Variants in MARCHF1 observed in about 807,000 individuals in gnomAD.
MARCHF1 encodes the protein E3 ubiquitin-protein ligase MARCHF1.
In MARCHF1, 40 loss-of-function variants were observed where a neutral mutation model predicts 54.2. That is an observed-to-expected ratio of 0.74 (90% CI 0.57 to 0.96). The LOEUF (loss-of-function observed/expected upper bound fraction) is 0.96. Among genes scored for constraint, MARCHF1 ranks in the 40% least tolerant of loss-of-function variants. MARCHF1 has a pLI of 0.00. For synonymous variants in MARCHF1, 236 were observed against 236.3 expected (o/e 1.00, Z 0.01); for missense variants, 586 against 656.5 (o/e 0.89, Z 1.17).
chr4:163,614,819 A>G (rs75203776), intron 5 of MARCHF1, among the ~76,000 whole-genome samples: 1,776 of 152,212 alleles, frequency 0.012, 32 homozygotes, highest in African/African-American at 0.04. Flanking sequence ...AACCATTAGG[A>G]TCCTTATGAG....
At chr4:163,832,453 C>T (rs908076862) in intron 4 of MARCHF1, among the ~76,000 whole-genome samples, 5 of 152,038 alleles carry the variant, frequency 3.3e-5, no homozygotes, top group African/African-American at 1.2e-4. Flanking sequence ...GGGACAGTGA[C>T]ATGACAAATT....
chr4:163,972,695 C>T (rs926202756), intron 3 of MARCHF1, among the ~76,000 whole-genome samples: 26 of 150,244 alleles, frequency 1.7e-4, no homozygotes, highest in Non-Finnish European at 2.4e-4. Context: ...TACAGGCGCC[C>T]GCCACCATGG....
intron 1 of MARCHF1, among the ~76,000 whole-genome samples, chr4:164,259,664 T>C (rs1037884181): frequency 2.6e-5 from 4 of 151,358 alleles, no homozygotes; most frequent in Non-Finnish European, 5.9e-5. Flanking sequence ...ACTATTAAGC[T>C]GTTGTTTAGG....
Position 163,942,948 on chromosome 4 carries a change from AC to A in MARCHF1, c.-39+45552del, listed in dbSNP as rs903207111. On this transcript the variant is annotated intron_variant, in intron 3 of 9. Coordinates refer to ENST00000514618, the MANE Select transcript of MARCHF1 (RefSeq NM_001394959.1). ...ACCTCTCTTCCAAAAAAAAAAAAGA[AC>A]AAAATGGATACACTAGTTTTTTGTT... is the stretch of plus-strand genomic sequence containing the variant. Among the ~76,000 whole-genome samples the A allele has an allele frequency of 1.6e-4, 24 of 152,060 alleles. 1 individual carries two copies. The highest frequency in any genetic ancestry group is 6.6e-5 in the Admixed American group (1 of 15,266).
At chr4:163,852,060 T>C (rs562517411) in intron 4 of MARCHF1, among the ~76,000 whole-genome samples, 11 of 152,300 alleles carry the variant, frequency 7.2e-5, no homozygotes, top group African/African-American at 2.4e-4. Flanking sequence ...TTTAATTCCA[T>C]TGGTAACTTG....
intron 4 of MARCHF1, among the ~76,000 whole-genome samples, chr4:163,808,958 T>C (rs145912875): frequency 3.4e-4 from 52 of 152,276 alleles, no homozygotes; most frequent in Non-Finnish European, 6.9e-4. Flanking sequence ...TCTCGTCTAT[T>C]TCATACAGAG....
At chr4:163,756,631 CAAAAAAAAAAAAAAAAAAAAAAAAAAGGA>C (rs1746680510) in intron 4 of MARCHF1, among the ~76,000 whole-genome samples, 1 of 67,582 alleles carries the variant, frequency 1.5e-5, no homozygotes. Context: ...GACTCTGTCT[CAAAAAAAAAAAAAAAAAAAAAAAAAAGGA>C]AAAGACAAAG....
intron 2 of MARCHF1, among the ~76,000 whole-genome samples, chr4:164,030,232 T>C (rs1033437453): frequency 6.6e-6 from 1 of 151,956 alleles, no homozygotes; most frequent in African/African-American, 2.4e-5. Context: ...AAACAGAGTT[T>C]AAAAAAATCA....
At chr4:163,870,229 A>T (rs898374973) in intron 3 of MARCHF1, among the ~76,000 whole-genome samples, 5 of 152,008 alleles carry the variant, frequency 3.3e-5, no homozygotes, top group Admixed American at 2.6e-4. Flanking sequence ...ATTTTTAAAA[A>T]TTTTCTGTAT....
chr4:164,043,722 A>G (rs1279692378), intron 2 of MARCHF1, among the ~76,000 whole-genome samples: 1 of 152,186 alleles, frequency 6.6e-6, no homozygotes, highest in Admixed American at 6.5e-5. Flanking sequence ...TCAGGCTACA[A>G]ATTTTCCAAA....
At chr4:164,087,629 C>T (rs1025778443) in intron 2 of MARCHF1, among the ~76,000 whole-genome samples, 1 of 152,106 alleles carries the variant, frequency 6.6e-6, no homozygotes, top group African/African-American at 2.4e-5. Context: ...TGTTCACAAA[C>T]AAATTAATCC....
intron 1 of MARCHF1, among the ~76,000 whole-genome samples, chr4:164,356,175 A>G (rs1730525571): frequency 9.2e-6 from 1 of 109,254 alleles, no homozygotes; most frequent in Non-Finnish European, 2.1e-5. Flanking sequence ...GTGGGACTGT[A>G]AACTAGTTCA....
At chr4:164,072,846 A>T (rs1754898426) in intron 2 of MARCHF1, among the ~76,000 whole-genome samples, 1 of 152,162 alleles carries the variant, frequency 6.6e-6, no homozygotes, top group Non-Finnish European at 1.5e-5. Context: ...AGATATAAAA[A>T]TGTGTGAGAA....
chr4:163,600,528 A>G lies in MARCHF1; in HGVS notation c.1010+11743T>C, dbSNP rs532573963. Among the ~76,000 whole-genome samples, 134 of 152,276 alleles carry G rather than the reference A, an allele frequency of 8.8e-4. 2 individuals carry two copies. The highest frequency in any genetic ancestry group is 3.0e-3 in the African/African-American group (125 of 41,562). ...GAGACTGTGGAATGCTGATTGGAAC[A>G]AAGAGTCCTCTGATGTGTGGAGCAT... On this transcript the variant is annotated intron_variant, in intron 7 of 9. Transcript: ENST00000514618.
At chr4:163,752,917 A>T (rs752976581) in intron 4 of MARCHF1, among the ~76,000 whole-genome samples, 1 of 152,166 alleles carries the variant, frequency 6.6e-6, no homozygotes, top group Non-Finnish European at 1.5e-5. Context: ...AATTTTTACA[A>T]CTACTTTGCA....
intron 1 of MARCHF1, among the ~76,000 whole-genome samples, chr4:164,260,259 C>T (rs34495217): frequency 0.11 from 17,394 of 151,648 alleles, 1,575 homozygotes; most frequent in African/African-American, 0.25. Flanking sequence ...CTCCCAAAAC[C>T]CCAGGTATTT....
chr4:164,017,835 G>GC (rs1227989310), intron 2 of MARCHF1, among the ~76,000 whole-genome samples: 3 of 23,920 alleles, frequency 1.3e-4, no homozygotes, highest in Non-Finnish European at 2.7e-4. Context: ...ACCTAAATTA[G>GC]CAAAAAAAAA....
At chr4:163,652,488 T>G (rs1215835991) in intron 5 of MARCHF1, among the ~76,000 whole-genome samples, 1 of 151,862 alleles carries the variant, frequency 6.6e-6, no homozygotes, top group Non-Finnish European at 1.5e-5. Context: ...CTGACTGTGA[T>G]GTCTCTCCTC....
chr4:164,325,125 TAA>T (rs1408182351), intron 1 of MARCHF1, among the ~76,000 whole-genome samples: 3 of 151,722 alleles, frequency 2.0e-5, no homozygotes, highest in African/African-American at 7.3e-5. Context: ...TGGAAATAAA[TAA>T]GTCTATATTA....
Sources: allele counts gnomAD v4.1 joint callset (sites outside exome capture counted in the v4.1 genomes callset), GRCh38; gene constraint gnomAD v4.1.1; transcripts MANE v1.5; gene names NCBI Gene and HGNC (gene_info 2026-07-23, HGNC 2026-07-21).